PIK3C3: variants seen among roughly 807,000 people sequenced by gnomAD.
The protein encoded by PIK3C3 is PI3-kinase type 3.
PIK3C3 carries 95 observed loss-of-function variants against 126.1 expected under a neutral mutation model. The ratio of observed to expected loss-of-function variants is 0.75; its 90% CI spans 0.64 to 0.89. The LOEUF (loss-of-function observed/expected upper bound fraction) is 0.89. Among genes scored for constraint, PIK3C3 ranks in the 40% least tolerant of loss-of-function variants. PIK3C3 has a pLI of 0.00. For missense variants in PIK3C3, 829 were observed against 1,063.2 expected (o/e 0.78, Z 3.06); for synonymous variants, 374 against 360.0 (o/e 1.04, Z -0.44).
chr18:41,981,831 C>T (rs1235389865), intron 4 of PIK3C3, among the ~76,000 whole-genome samples: 2 of 150,732 alleles, frequency 1.3e-5, no homozygotes, highest in Admixed American at 6.6e-5. Flanking sequence ...AAAAAATTAG[C>T]CAGGCATGGT....
At position 42,018,293 on chromosome 18, in the gene PIK3C3, TCA is replaced by T. The variant is rs574504413; in HGVS notation, c.1417-2342_1417-2341del. Among the ~76,000 whole-genome samples the T allele has an allele frequency of 4.3e-3, 657 of 152,184 alleles. 11 individuals are homozygous for T. The highest frequency in any genetic ancestry group is 0.015 in the African/African-American group (611 of 41,546). ...ACATTTACAATACATACTTCCTGTT[TCA>T]CAGTTTTTTAAATTCAACTTTTCTT... is the stretch of plus-strand genomic sequence containing the variant. On this transcript the variant is annotated intron_variant, in intron 12 of 24. Coordinates refer to ENST00000262039, the MANE Select transcript of PIK3C3 (RefSeq NM_002647.4).
chr18:42,072,572 C>T lies in PIK3C3; in HGVS notation c.2649+5059C>T, dbSNP rs142149969. Among the ~76,000 whole-genome samples the T allele has an allele frequency of 1.2e-3, 182 of 152,234 alleles. 2 individuals are homozygous for T. The East Asian group carries it at 0.029, about 24-fold the overall frequency. ...CTTTTTTGGCATCTTGTTCTGTCGC[C>T]CCCCACTGGAGTGCAGTGGTACAAT... On this transcript the variant is annotated intron_variant, in intron 24 of 24. Transcript: ENST00000262039.
intron 24 of PIK3C3, among the ~76,000 whole-genome samples, chr18:42,068,720 G>A (rs1260367120): frequency 6.6e-6 from 1 of 152,116 alleles, no homozygotes; most frequent in African/African-American, 2.4e-5. Flanking sequence ...GGAGGCCAAG[G>A]AGGGTGTATC....
intron 10 of PIK3C3, among the ~76,000 whole-genome samples, chr18:42,011,249 A>ATGGT (rs1982811502): frequency 6.6e-6 from 1 of 152,324 alleles, no homozygotes; most frequent in South Asian, 2.1e-4. Flanking sequence ...GAGTCAGTCT[A>ATGGT]TGGTTGTGAG....
At chr18:42,076,095 T>TATATATATATATATATATATATATGCAC (rs1985967227) in intron 24 of PIK3C3, among the ~76,000 whole-genome samples, 2 of 74,392 alleles carry the variant, frequency 2.7e-5, no homozygotes, top group African/African-American at 1.5e-4. Flanking sequence ...CTTGCATATA[T>TATATATATATATATATATATATATGCAC]ATATATATAT....
intron 2 of PIK3C3, 140 bp from the exon 3 acceptor site, chr18:41,962,349 T>C (rs1262766116): frequency 1.2e-5 from 6 of 515,906 alleles, no homozygotes; most frequent in Non-Finnish European, 1.9e-5. Flanking sequence ...AAAATTGAGG[T>C]GACTGCCATA....
chr18:42,054,148 A>ATATATATATC (rs1984938768), intron 21 of PIK3C3, among the ~76,000 whole-genome samples: 1 of 19,264 alleles, frequency 5.2e-5, no homozygotes, highest in Non-Finnish European at 1.0e-4. Flanking sequence ...ATATATATAT[A>ATATATATATC]TATATATATA....
chr18:42,021,773 TC>T (rs1411889913), intron 13 of PIK3C3, among the ~76,000 whole-genome samples: 1 of 152,144 alleles, frequency 6.6e-6, no homozygotes, highest in Non-Finnish European at 1.5e-5. Flanking sequence ...AACTCTATGA[TC>T]ATTGACATGA....
intron 21 of PIK3C3, chr18:42,052,636 T>G (rs1021485420): frequency 6.6e-6 from 1 of 152,186 alleles, no homozygotes; most frequent in African/African-American, 2.4e-5. Flanking sequence ...AGTTTGTGTC[T>G]CTAGTCATTT....
intron 7 of PIK3C3, among the ~76,000 whole-genome samples, chr18:41,994,471 T>A (rs1031733520): frequency 6.6e-6 from 1 of 152,158 alleles, no homozygotes; most frequent in Non-Finnish European, 1.5e-5. Flanking sequence ...TGAGATGATA[T>A]ACAGCTGTAT....
chr18:41,968,135 G>T (rs938255909), intron 3 of PIK3C3, among the ~76,000 whole-genome samples: 3 of 152,042 alleles, frequency 2.0e-5, no homozygotes, highest in Non-Finnish European at 4.4e-5. Flanking sequence ...CCATCCCAAG[G>T]CACCTAAATC....
At position 42,082,385 on chromosome 18, in the gene PIK3C3, T is replaced by C. The variant is rs1011480794; in HGVS notation, c.*1248T>C. 1 of 152,178 alleles carries C rather than the reference T, an allele frequency of 6.6e-6. No homozygotes were observed. Among genetic ancestry groups the C allele is most frequent in the African/African-American group, 2.4e-5 (1 of 41,442 alleles). 9.4% of individuals were successfully genotyped at this position (152,178 alleles called of 1,614,324 possible). A position where few individuals can be genotyped will look rare whatever the true frequency, so the allele number is the denominator to read the frequency against. On this transcript the variant is annotated 3_prime_UTR_variant, in exon 25 of 25. Transcript: ENST00000262039. Reference sequence around the variant, plus strand: ...GGGGTTACCGGCGAGAGGGCAAGCATGTAATTAAGAGACACTCTAGAGGCA... The same window carrying C: ...GGGGTTACCGGCGAGAGGGCAAGCACGTAATTAAGAGACACTCTAGAGGCA...
At chr18:42,009,078 ATTGT>A (rs1478223020) in intron 10 of PIK3C3, among the ~76,000 whole-genome samples, 1 of 152,170 alleles carries the variant, frequency 6.6e-6, no homozygotes, top group African/African-American at 2.4e-5. Context: ...CATTAAACAT[ATTGT>A]TTAATTTTCT....
At chr18:42,037,394 A>T (rs545032440) in intron 16 of PIK3C3, among the ~76,000 whole-genome samples, 2 of 152,330 alleles carry the variant, frequency 1.3e-5, no homozygotes, top group East Asian at 3.9e-4. Flanking sequence ...ACAGATGAGG[A>T]AACAAGTTAA....
intron 21 of PIK3C3, chr18:42,050,403 C>T (rs1984750282): frequency 6.6e-6 from 1 of 152,228 alleles, no homozygotes; most frequent in South Asian, 2.1e-4. Context: ...CTTTTTACCT[C>T]AGTCCATTTC....
intron 9 of PIK3C3, among the ~76,000 whole-genome samples, chr18:41,997,458 C>A (rs536464002): frequency 2.0e-5 from 3 of 152,008 alleles, no homozygotes; most frequent in African/African-American, 4.8e-5. Flanking sequence ...CTTACTGTTG[C>A]CCCTAAGAAG....
Position 42,043,657 on chromosome 18 carries a change from C to G in PIK3C3, c.2104-76C>G, listed in dbSNP as rs1984427626. 5.6e-6 allele frequency: 5 copies of G among 886,076 alleles called. No individual in the cohort carries two copies. The South Asian group carries it at 7.2e-5, about 13-fold the overall frequency. 54.9% of individuals were successfully genotyped at this position (886,076 alleles called of 1,614,324 possible). ...AGCTTTATGCTAGACACTTGCTGGT[C>G]ACTATTTATAGTTTCAAAACACCTA... is the stretch of plus-strand genomic sequence containing the variant. On this transcript the variant is annotated intron_variant, in intron 19 of 24. Coordinates refer to ENST00000262039, the MANE Select transcript of PIK3C3 (RefSeq NM_002647.4).
chr18:41,958,929 C>T (rs951449219), intron 2 of PIK3C3, among the ~76,000 whole-genome samples: 25 of 152,062 alleles, frequency 1.6e-4, no homozygotes, highest in African/African-American at 5.8e-4. Context: ...CGTTATAACA[C>T]CTTAACTGTA....
chr18:42,071,127 A>C (rs537966738), intron 24 of PIK3C3, among the ~76,000 whole-genome samples: 1 of 152,324 alleles, frequency 6.6e-6, no homozygotes, highest in South Asian at 2.1e-4. Flanking sequence ...CTGCCACATG[A>C]AAATAAGAGT....
Sources: gnomAD v4.1 joint callset for allele counts (sites outside exome capture counted in the v4.1 genomes callset) on GRCh38, gnomAD v4.1.1 for gene constraint, MANE v1.5 for transcripts, NCBI Gene and HGNC (gene_info 2026-07-23, HGNC 2026-07-21) for gene names.